Variants in FOXN2 observed in about 807,000 individuals in gnomAD.
FOXN2 encodes forkhead box N2.
FOXN2 carries 19 observed loss-of-function variants against 41.2 expected under a neutral mutation model. That is an observed-to-expected ratio of 0.46 (90% CI 0.32 to 0.68). FOXN2 has a LOEUF of 0.68. Among genes scored for constraint, FOXN2 ranks in the 30% least tolerant of loss-of-function variants. The probability of loss-of-function intolerance (pLI) is 0.03; values close to 1 mark genes in which losing one functional copy is unlikely to be tolerated. For missense variants in FOXN2, 587 were observed against 509.4 expected (o/e 1.15, Z -1.47); for synonymous variants, 195 against 176.8 (o/e 1.10, Z -0.82).
At chr2:48,329,757 AT>A (rs1294289396) in intron 2 of FOXN2, among the ~76,000 whole-genome samples, 2 of 152,198 alleles carry the variant, frequency 1.3e-5, no homozygotes, top group Non-Finnish European at 2.9e-5. Flanking sequence ...GACATTATTT[AT>A]AATGGAGAAT....
chr2:48,351,620 G>A (rs752749930), intron 3 of FOXN2, among the ~76,000 whole-genome samples: 11 of 152,174 alleles, frequency 7.2e-5, no homozygotes, highest in African/African-American at 2.2e-4. Context: ...CATAAGGAGC[G>A]CACAGCCTAG....
At chr2:48,334,987 TG>T (rs1670240479) in intron 2 of FOXN2, among the ~76,000 whole-genome samples, 1 of 152,196 alleles carries the variant, frequency 6.6e-6, no homozygotes, top group African/African-American at 2.4e-5. Flanking sequence ...AAAATGATCC[TG>T]GGCTGTTACT....
chr2:48,323,916 G>A (rs1225771474), intron 1 of FOXN2, among the ~76,000 whole-genome samples: 1 of 151,902 alleles, frequency 6.6e-6, no homozygotes, highest in Non-Finnish European at 1.5e-5. Flanking sequence ...TGAGAGATGG[G>A]TCCAGTTTCA....
At chr2:48,320,346 A>G (rs1669218768) in intron 1 of FOXN2, among the ~76,000 whole-genome samples, 1 of 151,454 alleles carries the variant, frequency 6.6e-6, no homozygotes, top group Non-Finnish European at 1.5e-5. Context: ...GTTGGAGTGC[A>G]GTGGCTCCAT....
At chr2:48,321,255 G>C (rs1669295510) in intron 1 of FOXN2, among the ~76,000 whole-genome samples, 1 of 152,078 alleles carries the variant, frequency 6.6e-6, no homozygotes, top group African/African-American at 2.4e-5. Flanking sequence ...AACAATCTAG[G>C]CTGGGCACAG....
intron 1 of FOXN2, among the ~76,000 whole-genome samples, chr2:48,317,854 G>A (rs142834516): frequency 0.079 from 11,931 of 151,724 alleles, 624 homozygotes; most frequent in Non-Finnish European, 0.12. Flanking sequence ...GTATCCGCCT[G>A]CCTCAGCCTC....
At chr2:48,346,960 A>G (rs779348467) in intron 3 of FOXN2, among the ~76,000 whole-genome samples, 17 of 152,186 alleles carry the variant, frequency 1.1e-4, no homozygotes, top group African/African-American at 2.9e-4. Flanking sequence ...TTTGTCCACT[A>G]TAGGTACCTA....
At chr2:48,319,989 A>T (rs1190088699) in intron 1 of FOXN2, among the ~76,000 whole-genome samples, 14 of 151,630 alleles carry the variant, frequency 9.2e-5, no homozygotes, top group Non-Finnish European at 1.5e-5. Flanking sequence ...TGGGTTTTAT[A>T]TGTAACCTTG....
intron 2 of FOXN2, among the ~76,000 whole-genome samples, chr2:48,343,425 C>T (rs1245941837): frequency 6.6e-6 from 1 of 152,166 alleles, no homozygotes; most frequent in East Asian, 1.9e-4. Context: ...TACTCATACT[C>T]AACATTTTGA....
At chr2:48,366,817 A>G (rs1415729907) in intron 5 of FOXN2, among the ~76,000 whole-genome samples, 1 of 151,760 alleles carries the variant, frequency 6.6e-6, no homozygotes, top group Non-Finnish European at 1.5e-5. Flanking sequence ...TCTAATTTCA[A>G]AGCCTGACTC....
At chr2:48,358,991 G>A in intron 3 of FOXN2, 56 bp from the exon 4 acceptor site, 1 of 1,318,658 alleles carries the variant, frequency 7.6e-7, no homozygotes, top group Non-Finnish European at 1.1e-6. Context: ...AAAACATTTA[G>A]ACGCTGACTG....
At chr2:48,325,407 ATGTG>A (rs141117347) in intron 1 of FOXN2, among the ~76,000 whole-genome samples, 57 of 152,094 alleles carry the variant, frequency 3.7e-4, no homozygotes, top group Non-Finnish European at 7.2e-4. Context: ...CTTTCATTTT[ATGTG>A]TGTGTGTGTA....
chr2:48,349,712 G>C (rs1402145025), intron 3 of FOXN2, among the ~76,000 whole-genome samples: 1 of 152,208 alleles, frequency 6.6e-6, no homozygotes, highest in African/African-American at 2.4e-5. Context: ...GGTGAGCCTA[G>C]ATCGTGCCAT....
intron 3 of FOXN2, among the ~76,000 whole-genome samples, chr2:48,352,420 G>A (rs532947550): frequency 1.3e-5 from 2 of 152,208 alleles, no homozygotes; most frequent in South Asian, 4.2e-4. Flanking sequence ...TTGTTTACCT[G>A]TGTGGACTCT....
At chr2:48,364,615 C>T (rs113135060) in intron 5 of FOXN2, among the ~76,000 whole-genome samples, 4 of 152,030 alleles carry the variant, frequency 2.6e-5, no homozygotes, top group South Asian at 2.1e-4. Flanking sequence ...TTAGTAATAT[C>T]AGTAGAGTTA....
intron 1 of FOXN2, 38 bp from the exon 2 acceptor site, chr2:48,328,523 C>T (rs1397393066): frequency 2.0e-5 from 3 of 152,128 alleles, no homozygotes; most frequent in Non-Finnish European, 2.9e-5. Flanking sequence ...ACAGACACAA[C>T]CAACCTTTTT....
At position 48,375,089 on chromosome 2, in the gene FOXN2, T is replaced by G; in HGVS notation, c.942T>G (p.Cys314Trp). ...CAAGTAGCATGGCAGCACAGCGTTG[T>G]GCATCCAGGTCTAGCGTGTCTTCCC... ...YSASSMAAQR[C>W]ASRSSVSSLS... The change falls in exon 7 of 7, where the codon TGT (cysteine) becomes TGG (tryptophan). Residue 314 changes from cysteine to tryptophan, a missense_variant. Physicochemically the swap from Cys to Trp is radical, Grantham distance 215 (BLOSUM62 -2). Transcript: ENST00000340553. 1 of 1,614,116 alleles carries G rather than the reference T, an allele frequency of 6.2e-7. No individual in the cohort carries two copies. The highest frequency in any genetic ancestry group is 1.1e-5 in the South Asian group (1 of 91,086).
At chr2:48,359,781 A>C (rs1380834843) in intron 4 of FOXN2, among the ~76,000 whole-genome samples, 1 of 152,162 alleles carries the variant, frequency 6.6e-6, no homozygotes, top group African/African-American at 2.4e-5. Context: ...AGAAAGTTGT[A>C]ATATAATTTC....
intron 3 of FOXN2, among the ~76,000 whole-genome samples, chr2:48,358,153 A>G (rs1671931268): frequency 6.6e-6 from 1 of 151,496 alleles, no homozygotes; most frequent in Non-Finnish European, 1.5e-5. Flanking sequence ...TTTATTCAGA[A>G]CTAATGTATT....
Sources: allele counts gnomAD v4.1 joint callset (sites outside exome capture counted in the v4.1 genomes callset), GRCh38; gene constraint gnomAD v4.1.1; transcripts MANE v1.5; gene names NCBI Gene and HGNC (gene_info 2026-07-23, HGNC 2026-07-21).